SLC11A1: variants seen among roughly 807,000 people sequenced by gnomAD.
SLC11A1 encodes natural resistance-associated macrophage protein 1.
A neutral mutation model predicts 63.2 loss-of-function variants in SLC11A1; 59 were observed. The observed-to-expected ratio is 0.93, with a 90% CI of 0.76 to 1.16. The LOEUF (loss-of-function observed/expected upper bound fraction) is 1.16. SLC11A1 is among the 50% of genes most tolerant of loss of function. The pLI is 0.00. For missense variants in SLC11A1, 688 were observed against 730.7 expected (o/e 0.94, Z 0.67); for synonymous variants, 305 against 307.8 (o/e 0.99, Z 0.09).
chr2:218,382,662 G>A (rs1695868346), intron 1 of SLC11A1, among the ~76,000 whole-genome samples: 1 of 152,168 alleles, frequency 6.6e-6, no homozygotes, highest in African/African-American at 2.4e-5. Context: ...CCAGCCAAGG[G>A]GCAGACATGT....
At position 218,391,277 on chromosome 2, in the gene SLC11A1, T is replaced by C. The variant is rs1180925135; in HGVS notation, c.1034T>C (p.Ile345Thr). The change falls in exon 10 of 15, where the codon ATT becomes ACT. Residue 345 changes from isoleucine (I) to threonine (T), a missense_variant. Ile to Thr is a moderately conservative substitution (Grantham distance 89). Coordinates refer to ENST00000233202, the MANE Select transcript of SLC11A1 (RefSeq NM_000578.4). The part of the protein sequence containing the change: ...PMNNATVAVD[I>T]YQGGVILGCL... ...AACAACGCCACCGTGGCCGTGGACA[T>C]TTACCAGGGGGTGAGCGCGGGTGGG... is the stretch of plus-strand genomic sequence containing the variant. 6.2e-7 allele frequency: 1 copy of C among 1,613,796 alleles called. No individual in the cohort carries two copies. The highest frequency in any genetic ancestry group is 8.5e-7 in the Non-Finnish European group (1 of 1,179,906).
At position 218,392,914 on chromosome 2, in the gene SLC11A1, A is replaced by G. The variant is rs1231169002; in HGVS notation, c.1165-67A>G. ...AGGGATAAATCGGTTGAGGGACTAC[A>G]GAGGATCTCTCCTCTGGAATCCCCA... On this transcript the variant is annotated intron_variant, in intron 11 of 14. Coordinates refer to ENST00000233202, the MANE Select transcript of SLC11A1 (RefSeq NM_000578.4). 8 of 1,335,308 alleles carry G rather than the reference A, an allele frequency of 6.0e-6. No homozygotes were observed. In the East Asian group the frequency reaches 1.6e-4, roughly 27 times the overall value. The allele number at this position is 1,335,308 out of a possible 1,614,324, so 82.7% of individuals were successfully genotyped here.
chr2:218,392,627 C>A lies in SLC11A1; in HGVS notation c.1165-354C>A, dbSNP rs149109001. 3.3e-3 allele frequency: 653 copies of A among 197,208 alleles called. 5 individuals carry two copies. The highest frequency in any genetic ancestry group is 0.014 in the African/African-American group (607 of 43,196). The allele number at this position is 197,208 out of a possible 1,614,324, so 12.2% of individuals were successfully genotyped here. On this transcript the variant is annotated intron_variant, in intron 11 of 14. Coordinates refer to ENST00000233202, the MANE Select transcript of SLC11A1 (RefSeq NM_000578.4). ...CTGGGATTACAGACGTGAGCCACCC[C>A]ACTCAGCTTTGTTTCCTTCATGTAG...
chr2:218,385,068 T>C, intron 3 of SLC11A1, 79 bp from the exon 4 acceptor site: 1 of 1,587,534 alleles, frequency 6.3e-7, no homozygotes, highest in African/African-American at 1.3e-5. Flanking sequence ...GGAGTATGCT[T>C]GGTTAGAGGG....
intron 9 of SLC11A1, 41 bp downstream of exon 9, chr2:218,390,069 C>T (rs1445882272): frequency 1.1e-5 from 17 of 1,582,286 alleles, no homozygotes; most frequent in East Asian, 4.5e-5. Flanking sequence ...CACACACGTA[C>T]TCATGTCCTG....
chr2:218,387,794 C>T lies in SLC11A1; in HGVS notation c.640-6C>T. ...GGGCTTGTCCTGACCAGGCTCCTCC[C>T]TGCAGTATGTGGTGGCGCGTCCTGA... On this transcript the variant is annotated splice_region_variant and splice_polypyrimidine_tract_variant and intron_variant, in intron 7 of 14. Transcript: ENST00000233202. 1 of 1,610,302 alleles carries T rather than the reference C, an allele frequency of 6.2e-7. No individual in the cohort carries two copies. Among genetic ancestry groups the T allele is most frequent in the Non-Finnish European group, 8.5e-7 (1 of 1,178,636 alleles).
In SLC11A1 at chr2:218,383,066, C is replaced by T; in HGVS notation, c.114C>T (p.Tyr38=). 6.2e-7 allele frequency: 1 copy of T among 1,613,986 alleles called. No individual in the cohort carries two copies. The highest frequency in any genetic ancestry group is 8.5e-7 in the Non-Finnish European group (1 of 1,179,966). ...AGCAAGCACCTCCCAGAGAGACCTA[C>T]CTGAGTGAGAAGATCCCCATCCCAG... The part of the protein sequence containing the change: ...GPQQAPPRET[Y]LSEKIPIPDT... Residue 38 remains tyrosine (Y), a synonymous_variant, in exon 2 of 15, where the codon TAC becomes TAT. Coordinates refer to ENST00000233202, the MANE Select transcript of SLC11A1 (RefSeq NM_000578.4).
chr2:218,382,402 C>A (rs758656216), intron 1 of SLC11A1, 27 bp downstream of exon 1: 2 of 1,612,524 alleles, frequency 1.2e-6, no homozygotes, highest in African/African-American at 2.7e-5. Context: ...AGGGACAGAG[C>A]CTGATTGGGG....
intron 11 of SLC11A1, chr2:218,392,310 C>G (rs1696503018): frequency 5.4e-6 from 1 of 186,172 alleles, no homozygotes; most frequent in Non-Finnish European, 1.1e-5. Context: ...GTGATCTGCC[C>G]TCCTCAGCCT....
chr2:218,387,079 T>A, intron 5 of SLC11A1, 81 bp from the exon 6 acceptor site: 1 of 1,318,604 alleles, frequency 7.6e-7, no homozygotes. Context: ...GAGGCCAGAT[T>A]CCTGTCTCCA....
At chr2:218,392,003 G>A (rs536070950) in intron 11 of SLC11A1, 53 of 293,262 alleles carry the variant, frequency 1.8e-4, no homozygotes, top group South Asian at 1.2e-3. Context: ...TGATCCGCCC[G>A]CCTTGGACTC....
intron 7 of SLC11A1, 72 bp downstream of exon 7, chr2:218,387,704 G>A: frequency 6.2e-7 from 1 of 1,611,170 alleles, no homozygotes; most frequent in South Asian, 1.1e-5. Context: ...CTGGCCGCGG[G>A]CTGCGGGGGG....
chr2:218,388,368 TCA>T, intron 8 of SLC11A1: 4 of 87,580 alleles, frequency 4.6e-5, no homozygotes, highest in South Asian at 2.6e-4. Context: ...AGACTCTGTC[TCA>T]AAAAAAAAAA....
chr2:218,385,679 C>T (rs1299296691), intron 4 of SLC11A1: 3 of 357,144 alleles, frequency 8.4e-6, no homozygotes, highest in Non-Finnish European at 1.6e-5. Flanking sequence ...GCATGAGCCA[C>T]TGCATCCGGC....
At position 218,395,461 on chromosome 2, in the gene SLC11A1, CTATT is replaced by C. The variant is rs201919632; in HGVS notation, c.*440_*443del. 2.0e-3 allele frequency: 324 copies of C among 163,680 alleles called. 4 individuals are homozygous for C. In the East Asian group the frequency reaches 0.04, roughly 20 times the overall value. 10.1% of individuals were successfully genotyped at this position (163,680 alleles called of 1,614,324 possible). On this transcript the variant is annotated 3_prime_UTR_variant, in exon 15 of 15. Coordinates refer to ENST00000233202, the MANE Select transcript of SLC11A1 (RefSeq NM_000578.4). ...GATGAATGTTAAATTATCTATCTAT[CTATT>C]TATTTATTTATTTGAGACAGGGAAA...
rs559738035 is a variant in SLC11A1, at chr2:218,385,392, GTTGT to G, written c.393+137_393+140del. 5.7e-5 allele frequency: 82 copies of G among 1,443,684 alleles called. 1 individual carries two copies. Among genetic ancestry groups the G allele is most frequent in the African/African-American group, 4.5e-4 (32 of 71,800 alleles). 89.4% of individuals were successfully genotyped at this position (1,443,684 alleles called of 1,614,324 possible). On this transcript the variant is annotated intron_variant, in intron 4 of 14. Transcript: ENST00000233202. ...CATCCCAAGTCTGTTTGTTTTTGTTGTTGTTTGTTTGTTTTTCAGTCGGAGTCTC... is the reference window on the plus strand; with the variant it reads ...CATCCCAAGTCTGTTTGTTTTTGTTGTTGTTTGTTTTTCAGTCGGAGTCTC...
At chr2:218,387,706 T>G in intron 7 of SLC11A1, 74 bp downstream of exon 7, 1 of 1,610,622 alleles carries the variant, frequency 6.2e-7, no homozygotes, top group East Asian at 2.2e-5. Flanking sequence ...GGCCGCGGGC[T>G]GCGGGGGGCT....
At chr2:218,389,612 G>C (rs1032962776) in intron 8 of SLC11A1, among the ~76,000 whole-genome samples, 3 of 152,182 alleles carry the variant, frequency 2.0e-5, no homozygotes, top group African/African-American at 7.2e-5. Flanking sequence ...GAGTGAAGGA[G>C]CGTGTCAGGA....
At position 218,382,979 on chromosome 2, in the gene SLC11A1, G is replaced by C. The variant is rs751923972; in HGVS notation, c.27G>C (p.Arg9Ser). 3 of 1,613,928 alleles carry C rather than the reference G, an allele frequency of 1.9e-6. No homozygotes were observed. Among genetic ancestry groups the C allele is most frequent in the South Asian group, 2.2e-5 (2 of 91,082 alleles). MTGDKGPQ[R>S]LSGSSYGSIS... The stretch of plus-strand genomic sequence containing the variant: ...CCACAGGTGACAAGGGTCCCCAAAG[G>C]CTAAGCGGGTCCAGCTATGGTTCCA... Residue 9 changes from arginine to serine, a missense_variant, in exon 2 of 15, where the codon AGG becomes AGC. Coordinates refer to ENST00000233202, the MANE Select transcript of SLC11A1 (RefSeq NM_000578.4).
Sources: allele counts gnomAD v4.1 joint callset (sites outside exome capture counted in the v4.1 genomes callset), GRCh38; gene constraint gnomAD v4.1.1; transcripts MANE v1.5; gene names NCBI Gene and HGNC (gene_info 2026-07-23, HGNC 2026-07-21).